STAG1: variants seen among roughly 807,000 people sequenced by gnomAD.
STAG1 encodes the protein cohesin subunit SA-1.
A neutral mutation model predicts 170.9 loss-of-function variants in STAG1; 26 were observed. That is an observed-to-expected ratio of 0.15 (90% CI 0.11 to 0.21). The LOEUF is 0.21. Ranked by LOEUF, STAG1 falls within the 10% of genes least tolerant of loss-of-function variation. The pLI, the probability that STAG1 is intolerant of heterozygous loss-of-function variation, is 1.00. For synonymous variants in STAG1, 514 were observed against 497.7 expected (o/e 1.03, Z -0.44); for missense variants, 964 against 1,509.5 (o/e 0.64, Z 5.99).
intron 4 of STAG1, among the ~76,000 whole-genome samples, chr3:136,598,896 T>C (rs1417075836): frequency 6.6e-6 from 1 of 152,230 alleles, no homozygotes; most frequent in East Asian, 1.9e-4. Context: ...TCAGTTATAC[T>C]ATACTATTTA....
chr3:136,526,077 T>C (rs1247165929), intron 6 of STAG1, among the ~76,000 whole-genome samples: 1 of 152,220 alleles, frequency 6.6e-6, no homozygotes, highest in African/African-American at 2.4e-5. Context: ...ATTCTGTTAA[T>C]TTGGGGTGGA....
chr3:136,476,656 T>C (rs975062425), intron 10 of STAG1, among the ~76,000 whole-genome samples: 7 of 152,194 alleles, frequency 4.6e-5, no homozygotes, highest in Admixed American at 4.6e-4. Flanking sequence ...ATAATGGGAA[T>C]GAAAATTCCA....
At chr3:136,610,546 CA>C (rs1939221690) in intron 3 of STAG1, among the ~76,000 whole-genome samples, 1 of 152,010 alleles carries the variant, frequency 6.6e-6, no homozygotes, top group Non-Finnish European at 1.5e-5. Flanking sequence ...AACAGCTTAT[CA>C]ACATGTGAAG....
In STAG1 at chr3:136,630,918, C is replaced by CA; in HGVS notation, c.-21dup. On this transcript the variant is annotated 5_prime_UTR_variant, in exon 2 of 34. Transcript: ENST00000383202. ...AATCATTGCTGGAGAGGTCCTTTCA[C>CA]AATGCAGCAAAATAATCAAGTGCTG... 1 of 1,562,680 alleles carries CA rather than the reference C, an allele frequency of 6.4e-7. No homozygotes were observed. Among genetic ancestry groups the CA allele is most frequent in the Non-Finnish European group, 8.7e-7 (1 of 1,152,038 alleles).
intron 14 of STAG1, among the ~76,000 whole-genome samples, chr3:136,445,781 G>T (rs962830398): frequency 6.6e-6 from 1 of 151,924 alleles, no homozygotes; most frequent in African/African-American, 2.4e-5. Context: ...TTTAATTCTG[G>T]TTTATCTTGT....
chr3:136,417,843 A>G (rs1053082018), intron 21 of STAG1, 42 bp downstream of exon 21: 2 of 1,503,476 alleles, frequency 1.3e-6, no homozygotes, highest in African/African-American at 2.8e-5. Context: ...CAGAAAAACA[A>G]CTTTCTAGAG....
At chr3:136,452,594 T>G (rs1273060308) in intron 13 of STAG1, among the ~76,000 whole-genome samples, 2 of 151,946 alleles carry the variant, frequency 1.3e-5, no homozygotes, top group Non-Finnish European at 2.9e-5. Context: ...ATTCATCTAT[T>G]TCAATAGAAA....
chr3:136,525,701 T>C (rs1421417556), intron 6 of STAG1, among the ~76,000 whole-genome samples: 1 of 152,240 alleles, frequency 6.6e-6, no homozygotes, highest in Non-Finnish European at 1.5e-5. Context: ...GTGTCAATTT[T>C]AGATCTTTCC....
At chr3:136,400,845 T>G (rs1323480883) in intron 21 of STAG1, among the ~76,000 whole-genome samples, 3 of 152,180 alleles carry the variant, frequency 2.0e-5, no homozygotes, top group Non-Finnish European at 4.4e-5. Flanking sequence ...CAAAATAAAT[T>G]TTCTAAAGGA....
At chr3:136,396,209 GTTT>G (rs1157402968) in intron 22 of STAG1, among the ~76,000 whole-genome samples, 12 of 87,938 alleles carry the variant, frequency 1.4e-4, no homozygotes, top group African/African-American at 4.7e-4. Flanking sequence ...GTGTAACACA[GTTT>G]TTTTTTTTTT....
chr3:136,362,605 C>CAAAAAAATAA (rs1936915792), intron 26 of STAG1, among the ~76,000 whole-genome samples: 1 of 42,456 alleles, frequency 2.4e-5, no homozygotes, highest in Non-Finnish European at 5.0e-5. Context: ...ATCATCTCTG[C>CAAAAAAATAA]AAAAAAAAAA....
At chr3:136,354,515 T>C (rs1400369150) in intron 28 of STAG1, among the ~76,000 whole-genome samples, 1 of 151,870 alleles carries the variant, frequency 6.6e-6, no homozygotes, top group Admixed American at 6.6e-5. Flanking sequence ...TTGGCCAGGC[T>C]GGTCTTGAAC....
At chr3:136,499,208 C>A (rs965226895) in intron 9 of STAG1, among the ~76,000 whole-genome samples, 2 of 152,142 alleles carry the variant, frequency 1.3e-5, no homozygotes, top group African/African-American at 4.8e-5. Flanking sequence ...TTGTTTTAGA[C>A]AGGGTCTTGT....
chr3:136,717,740 A>G (rs1026358064), intron 1 of STAG1, among the ~76,000 whole-genome samples: 1 of 152,232 alleles, frequency 6.6e-6, no homozygotes, highest in African/African-American at 2.4e-5. Context: ...ATCTCAGACT[A>G]TCCAGTGAGA....
intron 3 of STAG1, among the ~76,000 whole-genome samples, chr3:136,615,444 A>C (rs1939540674): frequency 6.8e-6 from 1 of 148,060 alleles, no homozygotes; most frequent in Non-Finnish European, 1.5e-5. Flanking sequence ...AAAAAAAAAA[A>C]AAAAAAAGGA....
At chr3:136,748,866 A>T (rs1291673528) in intron 1 of STAG1, among the ~76,000 whole-genome samples, 1 of 152,160 alleles carries the variant, frequency 6.6e-6, no homozygotes, top group Non-Finnish European at 1.5e-5. Flanking sequence ...AAATTATTTC[A>T]TAGAGGAAGG....
chr3:136,422,910 A>G, intron 17 of STAG1, 42 bp downstream of exon 17: 1 of 1,590,008 alleles, frequency 6.3e-7, no homozygotes, highest in Non-Finnish European at 8.6e-7. Flanking sequence ...GTACAATGAA[A>G]GCAAACTCAG....
chr3:136,518,233 T>C, intron 7 of STAG1: 1 of 576,146 alleles, frequency 1.7e-6, no homozygotes, highest in Non-Finnish European at 3.1e-6. Context: ...ATCTGTACCC[T>C]ACAAAATAAC....
intron 7 of STAG1, among the ~76,000 whole-genome samples, chr3:136,519,002 A>G (rs1412434308): frequency 6.6e-6 from 1 of 152,108 alleles, no homozygotes; most frequent in Non-Finnish European, 1.5e-5. Flanking sequence ...AACCAAAGGG[A>G]TAAGTATAGA....
Sources: gnomAD v4.1 joint callset for allele counts (sites outside exome capture counted in the v4.1 genomes callset) on GRCh38, gnomAD v4.1.1 for gene constraint, MANE v1.5 for transcripts, NCBI Gene and HGNC (gene_info 2026-07-23, HGNC 2026-07-21) for gene names.